Variants in ZNF407 observed in about 807,000 individuals in gnomAD.
ZNF407 encodes the protein zinc finger protein 407.
In ZNF407, 17 loss-of-function variants were observed where a neutral mutation model predicts 131.2. That is an observed-to-expected ratio of 0.13 (90% CI 0.09 to 0.19). ZNF407 has a LOEUF of 0.19. ZNF407 is among the 10% of genes least tolerant of loss of function. ZNF407 has a pLI of 1.00. For synonymous variants in ZNF407, 1,156 were observed against 1,062.0 expected (o/e 1.09, Z -1.72); for missense variants, 2,681 against 2,830.6 (o/e 0.95, Z 1.20).
chr18:74,969,740 CTT>C (rs1016774573), intron 8 of ZNF407, among the ~76,000 whole-genome samples: 5 of 152,188 alleles, frequency 3.3e-5, no homozygotes, highest in African/African-American at 1.2e-4. Flanking sequence ...AACTGGGTCT[CTT>C]TTCCACACGG....
At chr18:74,791,511 G>A (rs1969825314) in intron 4 of ZNF407, among the ~76,000 whole-genome samples, 1 of 152,144 alleles carries the variant, frequency 6.6e-6, no homozygotes, top group Non-Finnish European at 1.5e-5. Context: ...ATCTCACCTT[G>A]GTGAAATGTA....
At chr18:74,676,594 GC>G (rs987664931) in intron 3 of ZNF407, among the ~76,000 whole-genome samples, 4 of 146,318 alleles carry the variant, frequency 2.7e-5, no homozygotes, top group African/African-American at 1.0e-4. Context: ...CCACCACCGT[GC>G]CCGGGTAATT....
rs185407053 is a variant in ZNF407 at position 74,608,903 on chromosome 18, C to T, written c.-54+10966C>T. The stretch of plus-strand genomic sequence containing the variant: ...TTTGATCTCTTGGTTGAGGTGATGA[C>T]GTGTCAGGTTTTTGTACTGTGAGGT... On this transcript the variant is annotated intron_variant, in intron 1 of 8. Coordinates refer to ENST00000299687, the MANE Select transcript of ZNF407 (RefSeq NM_017757.3). Among the ~76,000 whole-genome samples the T allele has an allele frequency of 2.4e-4, 36 of 152,102 alleles. No individual in the cohort carries two copies. The East Asian group carries it at 6.6e-3, about 28-fold the overall frequency.
At chr18:74,628,389 A>G (rs926276123) in intron 1 of ZNF407, among the ~76,000 whole-genome samples, 1 of 152,140 alleles carries the variant, frequency 6.6e-6, no homozygotes, top group East Asian at 1.9e-4. Flanking sequence ...CCCTTTAGCT[A>G]TCATTCTCCA....
chr18:74,841,231 C>T (rs1257111973), intron 4 of ZNF407, among the ~76,000 whole-genome samples: 2 of 152,172 alleles, frequency 1.3e-5, no homozygotes, highest in Admixed American at 6.5e-5. Context: ...GAACTGGTTG[C>T]CATTCTTTTC....
chr18:74,671,320 G>GT lies in ZNF407; in HGVS notation c.4802+30207dup, dbSNP rs201315135. ...TATTCTGTTGTACGGATGGACCACT[G>GT]TTTTTTTTTGTTTTTTTTGGCCATT... On this transcript the variant is annotated intron_variant, in intron 3 of 8. Coordinates refer to ENST00000299687, the MANE Select transcript of ZNF407 (RefSeq NM_017757.3). Among the ~76,000 whole-genome samples the GT allele has an allele frequency of 3.8e-3, 564 of 149,188 alleles. 2 individuals carry two copies. Among genetic ancestry groups the GT allele is most frequent in the Non-Finnish European group, 4.3e-3 (287 of 67,106 alleles).
chr18:74,733,347 C>A (rs1968337465), intron 3 of ZNF407, among the ~76,000 whole-genome samples: 1 of 151,914 alleles, frequency 6.6e-6, no homozygotes, highest in African/African-American at 2.4e-5. Flanking sequence ...GTATATATGA[C>A]CAGAAGCTCA....
At chr18:74,849,615 G>T (rs1024879075) in intron 4 of ZNF407, among the ~76,000 whole-genome samples, 1 of 152,096 alleles carries the variant, frequency 6.6e-6, no homozygotes. Context: ...TGCCCTGTCC[G>T]CTGCACCTCC....
intron 3 of ZNF407, among the ~76,000 whole-genome samples, chr18:74,657,922 C>T (rs927634807): frequency 2.0e-5 from 3 of 151,486 alleles, no homozygotes; most frequent in Non-Finnish European, 4.4e-5. Flanking sequence ...TCTTCTTCTT[C>T]TTCTTCTTCT....
chr18:74,934,593 G>T (rs1972018645), intron 8 of ZNF407, among the ~76,000 whole-genome samples: 1 of 152,206 alleles, frequency 6.6e-6, no homozygotes, highest in South Asian at 2.1e-4. Flanking sequence ...TGGATCACCT[G>T]ATGTCAGGAG....
chr18:75,055,923 G>T (rs8095139), intron 8 of ZNF407, among the ~76,000 whole-genome samples: 1,594 of 152,314 alleles, frequency 0.01, 23 homozygotes, highest in African/African-American at 0.031. Flanking sequence ...GTATGTGAAA[G>T]AATTTTTCGG....
intron 8 of ZNF407, among the ~76,000 whole-genome samples, chr18:74,934,711 C>G (rs1297174528): frequency 6.6e-6 from 1 of 152,150 alleles, no homozygotes; most frequent in Non-Finnish European, 1.5e-5. Context: ...GAGGGTGAGG[C>G]AGAAGAATCA....
chr18:74,948,103 T>G (rs1434524101), intron 8 of ZNF407, among the ~76,000 whole-genome samples: 1 of 152,220 alleles, frequency 6.6e-6, no homozygotes, highest in Non-Finnish European at 1.5e-5. Flanking sequence ...AAAGAAGGTA[T>G]CTTTGTCTCT....
Position 74,646,694 on chromosome 18 carries a change from G to A in ZNF407, c.4802+5572G>A, listed in dbSNP as rs377485711. On this transcript the variant is annotated intron_variant, in intron 3 of 8. Coordinates refer to ENST00000299687, the MANE Select transcript of ZNF407 (RefSeq NM_017757.3). The stretch of plus-strand genomic sequence containing the variant: ...GTACAAATGACTTTATTATGGGAAA[G>A]CCTAGGAGTGATCTTGGTTATACTA... Among the ~76,000 whole-genome samples, 30 of 152,298 alleles carry A rather than the reference G, an allele frequency of 2.0e-4. 1 individual carries two copies. The East Asian group carries it at 5.0e-3, about 25-fold the overall frequency.
chr18:74,618,721 A>G (rs2144634956), intron 1 of ZNF407, among the ~76,000 whole-genome samples: 1 of 152,346 alleles, frequency 6.6e-6, no homozygotes, highest in Admixed American at 6.5e-5. Flanking sequence ...AGTGCCAAGA[A>G]GAGGAGGAAA....
chr18:75,047,227 G>A (rs1455767588), intron 8 of ZNF407, among the ~76,000 whole-genome samples: 1 of 152,176 alleles, frequency 6.6e-6, no homozygotes, highest in African/African-American at 2.4e-5. Context: ...TGACTAGCAG[G>A]ACGATGTCAA....
intron 8 of ZNF407, among the ~76,000 whole-genome samples, chr18:75,014,564 T>C (rs1238910554): frequency 6.6e-6 from 1 of 152,132 alleles, no homozygotes. Flanking sequence ...TAAGTGGTTT[T>C]TCTAATCTTG....
intron 5 of ZNF407, among the ~76,000 whole-genome samples, chr18:74,879,402 C>G (rs1971207738): frequency 6.6e-6 from 1 of 152,080 alleles, no homozygotes; most frequent in Admixed American, 6.5e-5. Context: ...GCAGGCAGCA[C>G]CCACGGACCC....
intron 1 of ZNF407, among the ~76,000 whole-genome samples, chr18:74,624,668 C>T: frequency 6.6e-6 from 1 of 152,254 alleles, no homozygotes; most frequent in East Asian, 1.9e-4. Flanking sequence ...GTGATCTGGA[C>T]CTGGTCGACC....
Sources: gnomAD v4.1 joint callset for allele counts (sites outside exome capture counted in the v4.1 genomes callset) on GRCh38, gnomAD v4.1.1 for gene constraint, MANE v1.5 for transcripts, NCBI Gene and HGNC (gene_info 2026-07-23, HGNC 2026-07-21) for gene names.